The following LDLRAD4 variants were observed in gnomAD, a reference collection of about 807,000 sequenced individuals.
LDLRAD4 encodes the protein low density lipoprotein receptor class A domain containing 4.
In LDLRAD4, 5 loss-of-function variants were observed where a neutral mutation model predicts 17.0. That is an observed-to-expected ratio of 0.29 (90% CI 0.15 to 0.62). LDLRAD4 has a LOEUF of 0.62. Among genes scored for constraint, LDLRAD4 ranks in the 20% least tolerant of loss-of-function variants. LDLRAD4 has a pLI of 0.84. For synonymous variants in LDLRAD4, 168 were observed against 171.8 expected, an observed-to-expected ratio of 0.98 and a Z score of 0.17; for missense variants, 340 against 424.7, an observed-to-expected ratio of 0.80 and a Z score of 1.75.
intron 1 of LDLRAD4, among the ~76,000 whole-genome samples, chr18:13,374,281 A>G (rs893143849): frequency 4.6e-5 from 7 of 152,170 alleles, no homozygotes; most frequent in Admixed American, 1.3e-4. Context: ...CTGACCCCAC[A>G]CAGTCTCCTG....
intron 3 of LDLRAD4, among the ~76,000 whole-genome samples, chr18:13,608,100 T>A (rs1379161668): frequency 6.6e-6 from 1 of 150,410 alleles, no homozygotes; most frequent in Admixed American, 6.6e-5. Flanking sequence ...AAAAAGTGGA[T>A]GAAGAATATG....
chr18:13,371,328 G>T (rs984966614), intron 1 of LDLRAD4, among the ~76,000 whole-genome samples: 3 of 152,208 alleles, frequency 2.0e-5, no homozygotes, highest in Non-Finnish European at 4.4e-5. Flanking sequence ...GCCCCAGGAA[G>T]CCCAGTGTTC....
intron 4 of LDLRAD4, among the ~76,000 whole-genome samples, chr18:13,634,987 C>T (rs1568435903): frequency 6.6e-6 from 1 of 152,152 alleles, no homozygotes; most frequent in Non-Finnish European, 1.5e-5. Flanking sequence ...GGGGAAAGGA[C>T]AGCCTTTTCA....
At chr18:13,368,788 TC>T (rs368761033) in intron 1 of LDLRAD4, among the ~76,000 whole-genome samples, 5 of 152,336 alleles carry the variant, frequency 3.3e-5, no homozygotes, top group African/African-American at 1.2e-4. Context: ...TTTGCACTCT[TC>T]CTGAATTCCT....
intron 1 of LDLRAD4, among the ~76,000 whole-genome samples, chr18:13,263,094 C>G (rs1489465261): frequency 7.2e-6 from 1 of 139,844 alleles, no homozygotes; most frequent in Non-Finnish European, 1.5e-5. Context: ...CCACGCTGCT[C>G]TGTTTGCGTG....
At chr18:13,246,845 A>G (rs942018353) in intron 1 of LDLRAD4, among the ~76,000 whole-genome samples, 4 of 152,334 alleles carry the variant, frequency 2.6e-5, no homozygotes, top group South Asian at 2.1e-4. Context: ...TTAGACAAAC[A>G]GCCCTGCAGG....
intron 1 of LDLRAD4, among the ~76,000 whole-genome samples, chr18:13,355,376 T>G (rs1169414530): frequency 6.6e-6 from 1 of 152,182 alleles, no homozygotes; most frequent in Non-Finnish European, 1.5e-5. Context: ...ACCAAGAGGA[T>G]TAGGACCCTT....
At chr18:13,324,514 C>T (rs1240608193) in intron 1 of LDLRAD4, among the ~76,000 whole-genome samples, 1 of 152,100 alleles carries the variant, frequency 6.6e-6, no homozygotes, top group Non-Finnish European at 1.5e-5. Flanking sequence ...CTTCTATGCG[C>T]AGAGAACAGT....
At chr18:13,322,909 G>A (rs1293532678) in intron 1 of LDLRAD4, among the ~76,000 whole-genome samples, 2 of 151,906 alleles carry the variant, frequency 1.3e-5, no homozygotes, top group Non-Finnish European at 2.9e-5. Flanking sequence ...ACAGGCGTGA[G>A]CCACTGCACC....
intron 3 of LDLRAD4, among the ~76,000 whole-genome samples, chr18:13,596,015 T>G (rs2095091171): frequency 6.6e-6 from 1 of 152,252 alleles, no homozygotes; most frequent in Non-Finnish European, 1.5e-5. Flanking sequence ...TTCCTTTCAA[T>G]TCTGTCAGTT....
chr18:13,416,467 T>C (rs750086768), intron 2 of LDLRAD4, among the ~76,000 whole-genome samples: 16 of 152,198 alleles, frequency 1.1e-4, no homozygotes, highest in Middle Eastern at 3.2e-3. Flanking sequence ...TCTCTGGGCA[T>C]GTGAGCAGGG....
At chr18:13,475,384 C>T (rs1336943885) in intron 3 of LDLRAD4, among the ~76,000 whole-genome samples, 1 of 151,596 alleles carries the variant, frequency 6.6e-6, no homozygotes, top group Non-Finnish European at 1.5e-5. Context: ...GGCTCAGCCT[C>T]CAGAGTAGCT....
At chr18:13,442,735 G>A (rs1009786718) in intron 3 of LDLRAD4, among the ~76,000 whole-genome samples, 3 of 152,190 alleles carry the variant, frequency 2.0e-5, no homozygotes, top group Admixed American at 2.0e-4. Context: ...TCTTAGTGGG[G>A]GACAGCAGCG....
At chr18:13,642,397 A>C in intron 4 of LDLRAD4, 1 of 1,079,740 alleles carries the variant, frequency 9.3e-7, no homozygotes, top group Non-Finnish European at 1.1e-6. Context: ...TACCACGCGT[A>C]CTTTTTTTCC....
chr18:13,534,552 GA>G (rs879815675), intron 3 of LDLRAD4, among the ~76,000 whole-genome samples: 43 of 143,364 alleles, frequency 3.0e-4, no homozygotes, highest in South Asian at 4.5e-4. Flanking sequence ...TTGCTAAAAA[GA>G]AAAAAAAAAA....
intron 3 of LDLRAD4, among the ~76,000 whole-genome samples, chr18:13,606,685 G>GTTTGTGTTCTTT (rs1400028514): frequency 2.0e-5 from 3 of 152,140 alleles, no homozygotes; most frequent in Admixed American, 1.3e-4. Flanking sequence ...GGAACATAAA[G>GTTTGTGTTCTTT]TTTGTGTTCT....
intron 3 of LDLRAD4, among the ~76,000 whole-genome samples, chr18:13,620,012 C>T (rs972383274): frequency 6.6e-6 from 1 of 151,940 alleles, no homozygotes; most frequent in Non-Finnish European, 1.5e-5. Context: ...GAGGGCCGTG[C>T]TGAAGGGTAG....
intron 3 of LDLRAD4, among the ~76,000 whole-genome samples, chr18:13,494,240 A>G (rs1471113684): frequency 6.6e-6 from 1 of 152,158 alleles, no homozygotes; most frequent in Non-Finnish European, 1.5e-5. Context: ...AAAAGCATAT[A>G]TTCACCGAGA....
At chr18:13,576,493 G>T (rs2094775663) in intron 3 of LDLRAD4, among the ~76,000 whole-genome samples, 1 of 151,544 alleles carries the variant, frequency 6.6e-6, no homozygotes, top group Non-Finnish European at 1.5e-5. Context: ...TTCTTGCCTA[G>T]CTTAAAGCCA....
Sources: allele counts gnomAD v4.1 joint callset (sites outside exome capture counted in the v4.1 genomes callset), GRCh38; gene constraint gnomAD v4.1.1; transcripts MANE v1.5; gene names NCBI Gene and HGNC (gene_info 2026-07-23, HGNC 2026-07-21).